Variants in IQCM observed in about 807,000 individuals in gnomAD.
IQCM encodes the protein IQ domain-containing protein M.
A neutral mutation model predicts 57.6 loss-of-function variants in IQCM; 45 were observed. The ratio of observed to expected loss-of-function variants is 0.78; its 90% CI spans 0.62 to 1.00. IQCM has a LOEUF of 1.00. IQCM is among the 50% of genes least tolerant of loss of function. IQCM has a pLI of 0.00. For synonymous variants in IQCM, 148 were observed against 158.9 expected (o/e 0.93, Z 0.51); for missense variants, 468 against 511.6 (o/e 0.91, Z 0.82).
At chr4:149,494,251 A>G (rs926748933) in intron 12 of IQCM, among the ~76,000 whole-genome samples, 7 of 152,096 alleles carry the variant, frequency 4.6e-5, no homozygotes, top group Non-Finnish European at 7.4e-5. Flanking sequence ...AATCACTCTA[A>G]TAAGTAGATA....
chr4:149,408,995 C>G (rs978417294), intron 13 of IQCM, among the ~76,000 whole-genome samples: 37 of 152,174 alleles, frequency 2.4e-4, no homozygotes, highest in Non-Finnish European at 4.6e-4. Context: ...GCAAATACTT[C>G]TATTTTCCAA....
chr4:149,784,587 T>C (rs1771909619), intron 2 of IQCM, among the ~76,000 whole-genome samples: 1 of 152,164 alleles, frequency 6.6e-6, no homozygotes, highest in Admixed American at 6.5e-5. Flanking sequence ...GGCTAATTTT[T>C]TGTATTTTTA....
chr4:149,429,575 C>T (rs545708949), intron 13 of IQCM, among the ~76,000 whole-genome samples: 1 of 151,948 alleles, frequency 6.6e-6, no homozygotes, highest in Non-Finnish European at 1.5e-5. Context: ...ATGGAGCATT[C>T]GTAACTCTAT....
chr4:149,514,663 CT>C (rs1299910320), intron 12 of IQCM: 2 of 152,238 alleles, frequency 1.3e-5, no homozygotes, highest in Non-Finnish European at 2.9e-5. Context: ...GTCTCTTAAC[CT>C]TCTTGGAGCT....
At chr4:149,618,865 CTT>C (rs1241605943) in intron 8 of IQCM, among the ~76,000 whole-genome samples, 3 of 152,032 alleles carry the variant, frequency 2.0e-5, no homozygotes, top group African/African-American at 7.2e-5. Context: ...AAAGGGAACA[CTT>C]ATACAGTTAG....
chr4:149,610,250 T>C (rs546707149), intron 8 of IQCM, among the ~76,000 whole-genome samples: 3 of 152,082 alleles, frequency 2.0e-5, no homozygotes, highest in South Asian at 4.1e-4. Flanking sequence ...GGAAGGGTAT[T>C]CCAATGTTCA....
chr4:149,519,961 C>T (rs542614896), intron 12 of IQCM, among the ~76,000 whole-genome samples: 4 of 152,158 alleles, frequency 2.6e-5, no homozygotes, highest in South Asian at 2.1e-4. Flanking sequence ...GGTGAGATCA[C>T]GCCACTGCAC....
chr4:149,713,186 T>C (rs1036803144), intron 5 of IQCM, among the ~76,000 whole-genome samples: 3 of 152,162 alleles, frequency 2.0e-5, no homozygotes, highest in Non-Finnish European at 2.9e-5. Context: ...TTCTTCGGGT[T>C]ATTCCCTATC....
intron 12 of IQCM, among the ~76,000 whole-genome samples, chr4:149,489,771 G>C (rs994824808): frequency 6.6e-6 from 1 of 151,242 alleles, no homozygotes; most frequent in Non-Finnish European, 1.5e-5. Context: ...ACATATATGT[G>C]TGTGTGTATA....
At chr4:149,577,805 A>C (rs1316507242) in intron 9 of IQCM, among the ~76,000 whole-genome samples, 4 of 151,946 alleles carry the variant, frequency 2.6e-5, no homozygotes, top group Non-Finnish European at 4.4e-5. Flanking sequence ...TTAAATCTGT[A>C]CATTGCTTCG....
intron 13 of IQCM, among the ~76,000 whole-genome samples, chr4:149,401,001 T>C (rs1461085353): frequency 2.0e-5 from 3 of 151,870 alleles, no homozygotes; most frequent in African/African-American, 7.2e-5. Flanking sequence ...GCTTGTTTTT[T>C]ATCAGCAATT....
rs1414653098 is a variant in IQCM, at chr4:149,406,808, G to T, written c.1390+26588C>A. On this transcript the variant is annotated intron_variant, in intron 13 of 13. Transcript: ENST00000636793. ...CTAGATAATTAAATTCTAACAGTCT[G>T]TATTAGTCTGTTTTCACGCTGCTGA... Among the ~76,000 whole-genome samples the T allele has an allele frequency of 2.0e-5, 3 of 152,148 alleles. No individual in the cohort carries two copies. The East Asian group carries it at 5.8e-4, about 29-fold the overall frequency.
intron 13 of IQCM, among the ~76,000 whole-genome samples, chr4:149,358,090 T>C (rs1383516486): frequency 6.6e-6 from 1 of 152,186 alleles, no homozygotes; most frequent in African/African-American, 2.4e-5. Flanking sequence ...TCGGTGGTGA[T>C]ATCCCCTTTA....
chr4:149,492,094 T>G (rs1742156574), intron 12 of IQCM, among the ~76,000 whole-genome samples: 1 of 152,060 alleles, frequency 6.6e-6, no homozygotes, highest in Non-Finnish European at 1.5e-5. Flanking sequence ...CCCATTTTCT[T>G]AATCTGGTGT....
intron 12 of IQCM, among the ~76,000 whole-genome samples, chr4:149,439,631 A>C (rs1735709156): frequency 6.6e-6 from 1 of 152,064 alleles, no homozygotes; most frequent in African/African-American, 2.4e-5. Context: ...AAATTATTAA[A>C]GTGATTAATT....
chr4:149,399,860 T>C (rs1395029278), intron 13 of IQCM, among the ~76,000 whole-genome samples: 6 of 152,110 alleles, frequency 3.9e-5, no homozygotes, highest in Non-Finnish European at 8.8e-5. Context: ...GCAAGTTCTC[T>C]TCAATAAATT....
chr4:149,539,233 T>G (rs1245345405), intron 12 of IQCM, among the ~76,000 whole-genome samples: 1 of 152,088 alleles, frequency 6.6e-6, no homozygotes, highest in Non-Finnish European at 1.5e-5. Flanking sequence ...TAAGAAAGAA[T>G]ATAGTACTTA....
chr4:149,591,436 C>T (rs931580050), intron 8 of IQCM, among the ~76,000 whole-genome samples: 1 of 151,800 alleles, frequency 6.6e-6, no homozygotes, highest in Non-Finnish European at 1.5e-5. Context: ...CCAACACTTA[C>T]ATCCAAATGT....
At chr4:149,461,742 T>G (rs1354276923) in intron 12 of IQCM, among the ~76,000 whole-genome samples, 1 of 151,544 alleles carries the variant, frequency 6.6e-6, no homozygotes, top group Non-Finnish European at 1.5e-5. Flanking sequence ...TGAAATTAAT[T>G]TTTTAAAAGG....
Sources: gnomAD v4.1 joint callset for allele counts (sites outside exome capture counted in the v4.1 genomes callset) on GRCh38, gnomAD v4.1.1 for gene constraint, MANE v1.5 for transcripts, NCBI Gene and HGNC (gene_info 2026-07-23, HGNC 2026-07-21) for gene names.